CNTRL: variants seen among roughly 807,000 people sequenced by gnomAD.
The protein encoded by CNTRL is centriolin, also known as 110 kDa centrosomal protein.
In CNTRL, 233 loss-of-function variants were observed where a neutral mutation model predicts 303.7. That is an observed-to-expected ratio of 0.77 (90% CI 0.69 to 0.86). The LOEUF (loss-of-function observed/expected upper bound fraction) is 0.86. Among genes scored for constraint, CNTRL ranks in the 40% least tolerant of loss-of-function variants. CNTRL has a pLI of 0.00. For synonymous variants in CNTRL, 900 were observed against 922.2 expected (o/e 0.98, Z 0.44); for missense variants, 2,524 against 2,650.6 (o/e 0.95, Z 1.05).
intron 14 of CNTRL, among the ~76,000 whole-genome samples, chr9:121,128,723 A>G (rs1444994723): frequency 2.0e-5 from 3 of 152,230 alleles, no homozygotes; most frequent in Non-Finnish European, 4.4e-5. Context: ...GCCCATGCCT[A>G]TGTCCTGAAT....
In CNTRL at chr9:121,140,824, C is replaced by T. The variant is rs763102442; in HGVS notation, c.2483+38C>T. ...CAAGACCTCCAAGTCTAGAGTGGGC[C>T]TCACAACTTGAGAGTTGTGAGTGTG... is the stretch of plus-strand genomic sequence containing the variant. On this transcript the variant is annotated intron_variant, in intron 17 of 43. Coordinates refer to ENST00000373855, the MANE Select transcript of CNTRL (RefSeq NM_007018.6). 10 of 1,587,374 alleles carry T rather than the reference C, an allele frequency of 6.3e-6. No individual in the cohort carries two copies. The South Asian group carries it at 6.8e-5, about 11-fold the overall frequency.
At chr9:121,162,480 G>GT (rs546797049) in intron 34 of CNTRL, among the ~76,000 whole-genome samples, 31 of 133,310 alleles carry the variant, frequency 2.3e-4, no homozygotes, top group Non-Finnish European at 2.6e-4. Context: ...AATCTATTTT[G>GT]TTTTTTTTAA....
intron 24 of CNTRL, among the ~76,000 whole-genome samples, chr9:121,149,141 A>AG (rs1290159087): frequency 6.6e-6 from 1 of 152,212 alleles, no homozygotes; most frequent in African/African-American, 2.4e-5. Context: ...TGCTTCACCC[A>AG]GGCTGACTAA....
Position 121,088,277 on chromosome 9 carries a change from A to G in CNTRL, c.-31-19A>G, listed in dbSNP as rs368713463. 1.4e-5 allele frequency: 16 copies of G among 1,105,822 alleles called. No homozygotes were observed. The highest frequency in any genetic ancestry group is 3.1e-5 in the African/African-American group (2 of 64,314). The allele number at this position is 1,105,822 out of a possible 1,614,324, so 68.5% of individuals were successfully genotyped here. The stretch of plus-strand genomic sequence containing the variant: ...CTCTTAAAAATTAATCTTGTTGAAT[A>G]TACTGAAAACTCTTACAGGTTTTGA... On this transcript the variant is annotated intron_variant, in intron 2 of 43. Coordinates refer to ENST00000373855, the MANE Select transcript of CNTRL (RefSeq NM_007018.6).
intron 30 of CNTRL, among the ~76,000 whole-genome samples, chr9:121,158,433 A>G (rs932260140): frequency 6.6e-6 from 1 of 151,994 alleles, no homozygotes; most frequent in Non-Finnish European, 1.5e-5. Context: ...TTCCTTTTGC[A>G]TATCTGCATG....
intron 14 of CNTRL, among the ~76,000 whole-genome samples, chr9:121,127,119 C>T (rs1381062045): frequency 6.6e-6 from 1 of 152,134 alleles, no homozygotes; most frequent in Non-Finnish European, 1.5e-5. Context: ...AGCGCCTGGC[C>T]TATGTTTTCG....
At chr9:121,084,033 A>G (rs1021369504) in intron 2 of CNTRL, among the ~76,000 whole-genome samples, 2 of 152,178 alleles carry the variant, frequency 1.3e-5, no homozygotes, top group African/African-American at 4.8e-5. Flanking sequence ...GCTACTCTAA[A>G]TCCTTGGATT....
chr9:121,093,239 G>T (rs987014588), intron 4 of CNTRL, among the ~76,000 whole-genome samples: 1 of 152,124 alleles, frequency 6.6e-6, no homozygotes, highest in Non-Finnish European at 1.5e-5. Context: ...TTTGTGGAAT[G>T]GGTGAATGAA....
rs142541633 is a variant in CNTRL at position 121,124,053 on chromosome 9, G to A, written c.1773G>A (p.Glu591=). Residue 591 remains glutamate, a synonymous_variant, in exon 13 of 44, where the codon GAG becomes GAA. Transcript: ENST00000373855. ...CTAGAATTGCTAAGGAAACGGAAGA[G>A]ATTAAGGACCTTGAAGAACAGCTTA... ...ILSRIAKETE[E]IKDLEEQLTE... 305 of 1,611,846 alleles carry A rather than the reference G, an allele frequency of 1.9e-4. 3 individuals are homozygous for A. Among genetic ancestry groups the A allele is most frequent in the Middle Eastern group, 1.5e-3 (9 of 6,046 alleles).
At position 121,158,933 on chromosome 9, in the gene CNTRL, G is replaced by A; in HGVS notation, c.4843G>A (p.Gly1615Arg). Residue 1615 changes from glycine (G) to arginine (R), a missense_variant, in exon 31 of 44, where the codon GGA becomes AGA. Coordinates refer to ENST00000373855, the MANE Select transcript of CNTRL (RefSeq NM_007018.6). The part of the protein sequence containing the change: ...HKKEELHLLQ[G>R]SMVQAKADLQ... ...AAAGGAGGAGCTGCATCTACTCCAA[G>A]GAAGCATGGTCCAGGCAAAAGCTGA... 1.9e-6 allele frequency: 3 copies of A among 1,614,146 alleles called. No individual in the cohort carries two copies. Among genetic ancestry groups the A allele is most frequent in the Non-Finnish European group, 2.5e-6 (3 of 1,179,984 alleles).
intron 27 of CNTRL, 184 bp downstream of exon 27, chr9:121,155,097 CT>C (rs1377467995): frequency 2.5e-5 from 15 of 597,404 alleles, no homozygotes; most frequent in African/African-American, 2.1e-4. Flanking sequence ...TATAAGTCCC[CT>C]GGCTTTGCTT....
At chr9:121,173,830 C>A in intron 42 of CNTRL, 93 bp downstream of exon 42, 1 of 1,201,912 alleles carries the variant, frequency 8.3e-7, no homozygotes, top group Non-Finnish European at 1.2e-6. Context: ...GCTTTCACAT[C>A]CATGCTGTTG....
intron 7 of CNTRL, among the ~76,000 whole-genome samples, chr9:121,099,304 C>T (rs1011811127): frequency 1.3e-5 from 2 of 152,172 alleles, no homozygotes; most frequent in African/African-American, 2.4e-5. Context: ...TGGAGTGGAC[C>T]TCCAGCGAAC....
chr9:121,136,012 C>CT, intron 15 of CNTRL, 30 bp downstream of exon 15: 1 of 1,544,352 alleles, frequency 6.5e-7, no homozygotes, highest in East Asian at 2.3e-5. Context: ...CAACTGCAAA[C>CT]TAAGGACCCT....
At chr9:121,174,223 T>C (rs944114315) in intron 42 of CNTRL, among the ~76,000 whole-genome samples, 7 of 152,162 alleles carry the variant, frequency 4.6e-5, no homozygotes, top group African/African-American at 1.7e-4. Flanking sequence ...TACTGATCAG[T>C]GTTGACCTAA....
At chr9:121,128,038 C>CT (rs1199736347) in intron 14 of CNTRL, among the ~76,000 whole-genome samples, 2 of 152,168 alleles carry the variant, frequency 1.3e-5, no homozygotes, top group Non-Finnish European at 2.9e-5. Context: ...TTAATCCAGT[C>CT]TATCGTTGAT....
At chr9:121,080,773 T>C (rs2048107537) in intron 2 of CNTRL, among the ~76,000 whole-genome samples, 1 of 152,200 alleles carries the variant, frequency 6.6e-6, no homozygotes, top group African/African-American at 2.4e-5. Context: ...TTATATACTG[T>C]ATAAGTTCTG....
intron 38 of CNTRL, among the ~76,000 whole-genome samples, chr9:121,169,053 A>G (rs2053203280): frequency 6.6e-6 from 1 of 152,210 alleles, no homozygotes; most frequent in African/African-American, 2.4e-5. Context: ...TAAGAAAAAT[A>G]TTTTTTAAAT....
chr9:121,084,601 G>A (rs1052898350), intron 2 of CNTRL, among the ~76,000 whole-genome samples: 3 of 150,854 alleles, frequency 2.0e-5, no homozygotes, highest in Admixed American at 6.6e-5. Context: ...CTGGAGTGCA[G>A]TGGCGCGATC....
Sources: allele counts gnomAD v4.1 joint callset (sites outside exome capture counted in the v4.1 genomes callset), GRCh38; gene constraint gnomAD v4.1.1; transcripts MANE v1.5; gene names NCBI Gene and HGNC (gene_info 2026-07-23, HGNC 2026-07-21).